Variants in CSMD3 observed in about 807,000 individuals in gnomAD.
CSMD3 encodes the protein CUB and Sushi multiple domains 3, also known as CUB and sushi domain-containing protein 3.
CSMD3 carries 177 observed loss-of-function variants against 435.2 expected under a neutral mutation model. The observed-to-expected ratio is 0.41, with a 90% CI of 0.36 to 0.46. CSMD3 has a LOEUF of 0.46. CSMD3 is among the 20% of genes least tolerant of loss of function. The pLI, the probability that CSMD3 is intolerant of heterozygous loss-of-function variation, is 0.34. For missense variants in CSMD3, 4,265 were observed against 4,504.6 expected (o/e 0.95, Z 1.52); for synonymous variants, 1,656 against 1,520.5 (o/e 1.09, Z -2.07).
intron 4 of CSMD3, among the ~76,000 whole-genome samples, chr8:113,169,567 A>G: frequency 6.6e-6 from 1 of 152,194 alleles, no homozygotes; most frequent in Non-Finnish European, 1.5e-5. Context: ...TCTAAAATTC[A>G]CATTTCTAAT....
chr8:113,092,958 T>A (rs1057023443), intron 5 of CSMD3, among the ~76,000 whole-genome samples: 7 of 152,136 alleles, frequency 4.6e-5, no homozygotes, highest in Admixed American at 4.6e-4. Context: ...TTTATGTAAC[T>A]TCAGTCAAAT....
chr8:112,906,594 A>C (rs2130493698), intron 10 of CSMD3, among the ~76,000 whole-genome samples: 1 of 151,660 alleles, frequency 6.6e-6, no homozygotes, highest in African/African-American at 2.4e-5. Context: ...GCAATAAGGT[A>C]GGAAAATTAC....
chr8:112,392,845 C>T (rs1008010263), intron 35 of CSMD3, among the ~76,000 whole-genome samples: 5 of 149,628 alleles, frequency 3.3e-5, no homozygotes, highest in African/African-American at 1.2e-4. Flanking sequence ...TCACAGCTCA[C>T]AGATAGTTTC....
intron 3 of CSMD3, among the ~76,000 whole-genome samples, chr8:113,276,403 G>T (rs1197933642): frequency 6.6e-6 from 1 of 152,046 alleles, no homozygotes; most frequent in Non-Finnish European, 1.5e-5. Context: ...ATTCCAAGGT[G>T]AGGAGGATTC....
At chr8:112,597,192 C>A (rs918431070) in intron 22 of CSMD3, among the ~76,000 whole-genome samples, 154 of 151,088 alleles carry the variant, frequency 1.0e-3, no homozygotes, top group Non-Finnish European at 1.8e-3. Context: ...GATATCACCA[C>A]CAATCCCACA....
intron 10 of CSMD3, among the ~76,000 whole-genome samples, chr8:112,891,465 A>G (rs1362489648): frequency 1.3e-5 from 2 of 151,488 alleles, no homozygotes; most frequent in Non-Finnish European, 3.0e-5. Flanking sequence ...TTAACTGGGC[A>G]GATGTTTTTT....
intron 30 of CSMD3, among the ~76,000 whole-genome samples, chr8:112,500,267 C>T (rs1283602275): frequency 1.3e-5 from 2 of 151,920 alleles, no homozygotes; most frequent in Admixed American, 6.6e-5. Context: ...AAGTAAGAAA[C>T]ACTGTGAATA....
chr8:113,185,861 T>G (rs73344401), intron 3 of CSMD3, among the ~76,000 whole-genome samples: 35 of 152,120 alleles, frequency 2.3e-4, no homozygotes, highest in African/African-American at 8.4e-4. Context: ...TGTCTATTCC[T>G]ACAAAGACCC....
chr8:112,439,527 A>G (rs577873236), intron 32 of CSMD3, among the ~76,000 whole-genome samples: 3 of 152,292 alleles, frequency 2.0e-5, no homozygotes, highest in East Asian at 3.9e-4. Context: ...ATATTTATAT[A>G]TACCTTTGTA....
intron 32 of CSMD3, among the ~76,000 whole-genome samples, chr8:112,434,621 C>T (rs912682970): frequency 5.9e-5 from 9 of 152,044 alleles, no homozygotes; most frequent in Non-Finnish European, 8.8e-5. Context: ...AACAAAATCA[C>T]GTAATTCCAC....
chr8:112,986,705 T>C (rs1357559698), intron 6 of CSMD3, among the ~76,000 whole-genome samples: 2 of 152,082 alleles, frequency 1.3e-5, no homozygotes, highest in Non-Finnish European at 2.9e-5. Flanking sequence ...ATTCAATCCA[T>C]AGAAAATTGA....
chr8:112,421,283 C>A (rs192149542), intron 32 of CSMD3, among the ~76,000 whole-genome samples: 74 of 152,032 alleles, frequency 4.9e-4, no homozygotes, highest in Non-Finnish European at 8.1e-4. Flanking sequence ...TGATTCACAC[C>A]TGTAATCCCA....
chr8:113,355,269 A>AAC (rs924301368), intron 1 of CSMD3, among the ~76,000 whole-genome samples: 11 of 151,676 alleles, frequency 7.3e-5, no homozygotes, highest in South Asian at 2.1e-4. Flanking sequence ...GTACATATAT[A>AAC]ACACACACAC....
At chr8:112,758,120 C>T (rs1587199511) in intron 13 of CSMD3, among the ~76,000 whole-genome samples, 1 of 151,866 alleles carries the variant, frequency 6.6e-6, no homozygotes, top group African/African-American at 2.4e-5. Context: ...TTTGGGAGCC[C>T]GAGGCGGGTG....
intron 1 of CSMD3, among the ~76,000 whole-genome samples, chr8:113,380,218 T>A (rs1488027204): frequency 6.6e-6 from 1 of 152,010 alleles, no homozygotes; most frequent in African/African-American, 2.4e-5. Context: ...GTTGTAATTT[T>A]ACCTTTTGTT....
chr8:112,937,732 G>C (rs1009424257), intron 9 of CSMD3, among the ~76,000 whole-genome samples: 1 of 152,024 alleles, frequency 6.6e-6, no homozygotes, highest in Non-Finnish European at 1.5e-5. Flanking sequence ...AATAGTAATT[G>C]CAAAGACCAA....
At chr8:113,148,459 T>C (rs1025331868) in intron 4 of CSMD3, among the ~76,000 whole-genome samples, 1 of 151,792 alleles carries the variant, frequency 6.6e-6, no homozygotes, top group African/African-American at 2.4e-5. Context: ...GTATCTTCTG[T>C]GTAATTATTT....
chr8:112,957,386 G>A (rs2084059993), intron 7 of CSMD3, among the ~76,000 whole-genome samples: 1 of 152,130 alleles, frequency 6.6e-6, no homozygotes, highest in Admixed American at 6.5e-5. Context: ...TGTCATGTGT[G>A]GCAATTCCCT....
chr8:112,937,986 G>C (rs1236029997), intron 9 of CSMD3, among the ~76,000 whole-genome samples: 1 of 152,138 alleles, frequency 6.6e-6, no homozygotes, highest in Non-Finnish European at 1.5e-5. Flanking sequence ...TGTGAAAGTT[G>C]ATCGTATGAA....
Sources: allele counts gnomAD v4.1 joint callset (sites outside exome capture counted in the v4.1 genomes callset), GRCh38; gene constraint gnomAD v4.1.1; transcripts MANE v1.5; gene names NCBI Gene and HGNC (gene_info 2026-07-23, HGNC 2026-07-21).